The following LMO1 variants were observed in gnomAD, a reference collection of about 807,000 sequenced individuals.
The protein encoded by LMO1 is rhombotin-1.
In LMO1, 10 loss-of-function variants were observed where a neutral mutation model predicts 18.0. That is an observed-to-expected ratio of 0.55 (90% CI 0.34 to 0.94). LMO1 has a LOEUF of 0.94. LMO1 is among the 40% of genes least tolerant of loss of function. LMO1 has a pLI of 0.02. For synonymous variants in LMO1, 77 were observed against 77.9 expected, an observed-to-expected ratio of 0.99 and a Z score of 0.06; for missense variants, 183 against 205.7, an observed-to-expected ratio of 0.89 and a Z score of 0.68.
upstream of LMO1, chr11:8,263,963 G>T (rs766280302): frequency 2.6e-6 from 2 of 759,250 alleles, no homozygotes; most frequent in Non-Finnish European, 3.3e-6. Context: ...GGAGACGCAC[G>T]GCTGTCCGGC....
chr11:8,235,240 T>G (rs1415335722), intron 1 of LMO1, among the ~76,000 whole-genome samples: 1 of 152,218 alleles, frequency 6.6e-6, no homozygotes, highest in East Asian at 1.9e-4. Context: ...CTTGCAAGAA[T>G]AGTAGAAAAA....
At chr11:8,261,104 C>G (rs542716631) in intron 1 of LMO1, among the ~76,000 whole-genome samples, 3 of 152,140 alleles carry the variant, frequency 2.0e-5, no homozygotes, top group Non-Finnish European at 4.4e-5. Flanking sequence ...TGAGCAGAAA[C>G]GTCGCTTTTG....
At position 8,263,365 on chromosome 11, in the gene LMO1, C is replaced by A; in HGVS notation, c.-3G>T. On this transcript the variant is annotated 5_prime_UTR_variant, in exon 1 of 4. Transcript: ENST00000335790. Reference sequence around the variant, plus strand: ...TCCTCCTTGTCCAGCACCATCATCTCGGGCGCTCCGTGTCCAGCCGCAGCT... The same window carrying A: ...TCCTCCTTGTCCAGCACCATCATCTAGGGCGCTCCGTGTCCAGCCGCAGCT... 11 of 1,605,076 alleles carry A rather than the reference C, an allele frequency of 6.9e-6. No individual in the cohort carries two copies. The highest frequency in any genetic ancestry group is 7.6e-6 in the Non-Finnish European group (9 of 1,178,782).
chr11:8,225,026 G>C (rs1248378180), intron 3 of LMO1, among the ~76,000 whole-genome samples: 1 of 152,074 alleles, frequency 6.6e-6, no homozygotes, highest in Non-Finnish European at 1.5e-5. Context: ...AGGGGGGTTG[G>C]TGGAGAGGTG....
intron 1 of LMO1, among the ~76,000 whole-genome samples, chr11:8,235,559 C>A (rs930057261): frequency 6.6e-6 from 1 of 152,212 alleles, no homozygotes; most frequent in East Asian, 1.9e-4. Context: ...TCAAAAATAT[C>A]TTTTATGGAA....
At chr11:8,243,161 C>A (rs984934776) in intron 1 of LMO1, among the ~76,000 whole-genome samples, 2 of 152,158 alleles carry the variant, frequency 1.3e-5, no homozygotes, top group Non-Finnish European at 2.9e-5. Context: ...GGGATGCCTG[C>A]CTGAGGCATT....
At chr11:8,243,589 C>T (rs1326335317) in intron 1 of LMO1, among the ~76,000 whole-genome samples, 4 of 152,224 alleles carry the variant, frequency 2.6e-5, no homozygotes, top group Non-Finnish European at 2.9e-5. Context: ...GGTATGGCCG[C>T]AGGCTGCATT....
At chr11:8,244,768 A>G (rs1327372267) in intron 1 of LMO1, among the ~76,000 whole-genome samples, 1 of 152,214 alleles carries the variant, frequency 6.6e-6, no homozygotes, top group Non-Finnish European at 1.5e-5. Flanking sequence ...AACTCCCAAC[A>G]TGGGAGATCT....
intron 3 of LMO1, among the ~76,000 whole-genome samples, chr11:8,225,805 A>C (rs766885826): frequency 2.0e-5 from 3 of 152,192 alleles, no homozygotes; most frequent in Admixed American, 6.5e-5. Flanking sequence ...GTCCGGCCAG[A>C]GCCCCCAGCC....
chr11:8,264,960 C>A (rs1018205457), upstream of LMO1, among the ~76,000 whole-genome samples: 1 of 152,238 alleles, frequency 6.6e-6, no homozygotes, highest in Non-Finnish European at 1.5e-5. Context: ...AATCCCAAGT[C>A]TTTTTTCTTT....
In LMO1 at chr11:8,263,710, A is replaced by G. The variant is rs1221604388; in HGVS notation, c.-348T>C. On this transcript the variant is annotated 5_prime_UTR_variant, in exon 1 of 4. The change abolishes the stop of an existing upstream ORF in the 5' untranslated region. Transcript: ENST00000335790. Reference sequence around the variant, plus strand: ...CAATTTGCCCAGTATAATCTGTCTTAATGTAATTGCATTTGATAGCTCATA... The same window carrying G: ...CAATTTGCCCAGTATAATCTGTCTTGATGTAATTGCATTTGATAGCTCATA... 1 of 1,163,814 alleles carries G rather than the reference A, an allele frequency of 8.6e-7. No homozygotes were observed. The allele number at this position is 1,163,814 out of a possible 1,614,324, so 72.1% of individuals were successfully genotyped here.
intron 1 of LMO1, among the ~76,000 whole-genome samples, chr11:8,261,666 C>A (rs1847188460): frequency 6.6e-6 from 1 of 152,222 alleles, no homozygotes; most frequent in Admixed American, 6.5e-5. Context: ...ACCCTCTCCC[C>A]TGGCTTCTCC....
intron 1 of LMO1, among the ~76,000 whole-genome samples, chr11:8,232,954 C>G (rs1044865107): frequency 4.6e-5 from 7 of 152,310 alleles, no homozygotes; most frequent in Non-Finnish European, 7.4e-5. Context: ...AACTCCAGCA[C>G]TGGTCGACAA....
intron 3 of LMO1, among the ~76,000 whole-genome samples, chr11:8,225,404 C>CAA (rs34847129): frequency 0.021 from 730 of 34,666 alleles, 174 homozygotes; most frequent in Non-Finnish European, 0.026. Flanking sequence ...GACTCCATCT[C>CAA]AAAAAAAAAA....
At chr11:8,258,741 T>C (rs1451122548) in intron 1 of LMO1, among the ~76,000 whole-genome samples, 1 of 152,140 alleles carries the variant, frequency 6.6e-6, no homozygotes, top group African/African-American at 2.4e-5. Flanking sequence ...GGGTCCCAGC[T>C]CTAGGGAAAC....
At chr11:8,253,034 C>T (rs75672630) in intron 1 of LMO1, among the ~76,000 whole-genome samples, 32 of 152,348 alleles carry the variant, frequency 2.1e-4, no homozygotes, top group African/African-American at 6.7e-4. Flanking sequence ...GCCTGACAAC[C>T]CGTGTTGTTG....
At chr11:8,227,250 G>T in intron 2 of LMO1, 150 bp from the exon 3 acceptor site, 1 of 1,317,850 alleles carries the variant, frequency 7.6e-7, no homozygotes, top group Non-Finnish European at 1.0e-6. Flanking sequence ...AGCACTGAGG[G>T]CAGCATCTAG....
rs1022173171 is a variant in LMO1, at chr11:8,255,818, C to T, written c.25+7520G>A. On this transcript the variant is annotated intron_variant, in intron 1 of 3. Transcript: ENST00000335790. ...TACATACAGATAGCACAATGCCGCA[C>T]TTTTTTTTTTTTTTTTTTTTTTTTT... Among the ~76,000 whole-genome samples the T allele has an allele frequency of 2.3e-4, 20 of 86,362 alleles. 1 individual carries two copies. Among genetic ancestry groups the T allele is most frequent in the South Asian group, 8.8e-4 (2 of 2,264 alleles). 56.7% of individuals were successfully genotyped at this position (86,362 alleles called of 152,430 possible). A position where few individuals can be genotyped will look rare whatever the true frequency, so the allele number is the denominator to read the frequency against.
chr11:8,265,637 G>A (rs1374408197), upstream of LMO1, among the ~76,000 whole-genome samples: 4 of 152,154 alleles, frequency 2.6e-5, no homozygotes, highest in Non-Finnish European at 5.9e-5. Context: ...TCTCTCCCCT[G>A]CCACTGCCGC....
Sources: allele counts gnomAD v4.1 joint callset (sites outside exome capture counted in the v4.1 genomes callset), GRCh38; gene constraint gnomAD v4.1.1; transcripts MANE v1.5; gene names NCBI Gene and HGNC (gene_info 2026-07-23, HGNC 2026-07-21).